LSP1: variants seen among roughly 807,000 people sequenced by gnomAD.
LSP1 encodes lymphocyte specific protein 1, also known as lymphocyte-specific protein 1.
Under a neutral mutation model 49.3 loss-of-function variants are expected in LSP1, and 32 were observed. The ratio of observed to expected loss-of-function variants is 0.65; its 90% CI spans 0.49 to 0.87. The LOEUF (loss-of-function observed/expected upper bound fraction) is 0.87, where lower values mean the gene tolerates loss of function less well. Among genes scored for constraint, LSP1 ranks in the 40% least tolerant of loss-of-function variants. The pLI, the probability that LSP1 is intolerant of heterozygous loss-of-function variation, is 0.00. For missense variants in LSP1, 428 were observed against 442.6 expected (o/e 0.97, Z 0.30); for synonymous variants, 179 against 178.8 (o/e 1.00, Z -0.01).
At chr11:1,873,389 A>G (rs1400201364) in intron 1 of LSP1, among the ~76,000 whole-genome samples, 1 of 152,030 alleles carries the variant, frequency 6.6e-6, no homozygotes, top group Admixed American at 6.6e-5. Flanking sequence ...ATCATGGGTC[A>G]GCGCTGGTTT....
chr11:1,869,548 C>A (rs946857773), intron 1 of LSP1: 2 of 442,892 alleles, frequency 4.5e-6, no homozygotes, highest in African/African-American at 2.0e-5. Flanking sequence ...GGGCACTGCC[C>A]CTTGCCGCCG....
intron 4 of LSP1, 126 bp from the exon 5 acceptor site, chr11:1,883,806 G>T: frequency 1.0e-6 from 1 of 985,504 alleles, no homozygotes; most frequent in South Asian, 1.6e-5. Context: ...TCCAGAACTG[G>T]AGCACGTCAG....
chr11:1,878,732 G>A (rs12360772), intron 1 of LSP1, among the ~76,000 whole-genome samples: 22,252 of 152,120 alleles, frequency 0.15, 2,012 homozygotes, highest in Admixed American at 0.23. Flanking sequence ...CCCCAGTGGG[G>A]AGACCCCAGC....
At chr11:1,882,204 T>A (rs1367715691) in intron 3 of LSP1, among the ~76,000 whole-genome samples, 1 of 152,134 alleles carries the variant, frequency 6.6e-6, no homozygotes, top group Non-Finnish European at 1.5e-5. Flanking sequence ...TCGGGGTCCT[T>A]GCCGCTCTCA....
chr11:1,887,285 G>C lies in LSP1; in HGVS notation c.901G>C (p.Gly301Arg), dbSNP rs1203026216. 1.0e-5 allele frequency: 16 copies of C among 1,600,862 alleles called. No individual in the cohort carries two copies. Among genetic ancestry groups the C allele is most frequent in the Non-Finnish European group, 1.4e-5 (16 of 1,172,798 alleles). The change falls in exon 9 of 11, where the codon GGA becomes CGA. Residue 301 changes from glycine to arginine, a missense_variant. Transcript: ENST00000311604. ...CAAGAAAAGCCTCTGGGAGCAGAAG[G>C]GAGGCTCCAAGACCTCATCAACAAT... Reference protein sequence around the residue: ...MSKKSLWEQKGGSKTSSTIKS... With the variant: ...MSKKSLWEQKRGSKTSSTIKS...
intron 2 of LSP1, chr11:1,881,173 T>G: frequency 2.4e-6 from 1 of 416,272 alleles, no homozygotes. Context: ...GGAGGAGGCA[T>G]AGCCCTGCTG....
intron 1 of LSP1, among the ~76,000 whole-genome samples, chr11:1,861,741 T>TGGATG (rs1847638913): frequency 3.6e-5 from 2 of 55,576 alleles, no homozygotes; most frequent in African/African-American, 1.4e-4. Context: ...ATGGATGGAT[T>TGGATG]GGTGGATGAG....
chr11:1,877,041 C>G (rs1306033349), intron 1 of LSP1, among the ~76,000 whole-genome samples: 1 of 152,208 alleles, frequency 6.6e-6, no homozygotes, highest in South Asian at 2.1e-4. Flanking sequence ...GCAGGAACAC[C>G]AAATCCCTCG....
intron 1 of LSP1, among the ~76,000 whole-genome samples, chr11:1,866,293 G>A (rs1001860524): frequency 3.9e-5 from 6 of 152,206 alleles, no homozygotes; most frequent in African/African-American, 1.4e-4. Flanking sequence ...GGAAGGCAGG[G>A]CTGGCATCGG....
At chr11:1,879,503 C>T (rs1848448371) in intron 1 of LSP1, among the ~76,000 whole-genome samples, 1 of 152,238 alleles carries the variant, frequency 6.6e-6, no homozygotes, top group Non-Finnish European at 1.5e-5. Flanking sequence ...GTGAGCGGGG[C>T]TGGTGGTGGG....
chr11:1,865,836 GAT>G (rs1268195353), intron 1 of LSP1, among the ~76,000 whole-genome samples: 1 of 151,812 alleles, frequency 6.6e-6, no homozygotes, highest in Non-Finnish European at 1.5e-5. Context: ...TCACTTCACA[GAT>G]CATGAAACTG....
In LSP1 at chr11:1,884,156, G is replaced by A. The variant is rs1848660439; in HGVS notation, c.592-124G>A. The A allele has an allele frequency of 1.4e-6, 2 of 1,429,148 alleles. No individual in the cohort carries two copies. The highest frequency in any genetic ancestry group is 1.7e-5 in the Admixed American group (1 of 58,894). 88.5% of individuals were successfully genotyped at this position (1,429,148 alleles called of 1,614,324 possible). On this transcript the variant is annotated intron_variant, in intron 5 of 10. Transcript: ENST00000311604. This position sits in a 1 kb window ranked among gnomAD's most constrained non-coding sequence, Gnocchi z 4.1. Reference sequence around the variant, plus strand: ...TTGTCTGCTATCCCCCCATTGCCCGGTGCTCAGCGAACCCCCATGATATAA... The same window carrying A: ...TTGTCTGCTATCCCCCCATTGCCCGATGCTCAGCGAACCCCCATGATATAA...
At chr11:1,860,277 G>T (rs187513023) in intron 1 of LSP1, among the ~76,000 whole-genome samples, 14 of 151,852 alleles carry the variant, frequency 9.2e-5, no homozygotes, top group African/African-American at 3.4e-4. Flanking sequence ...TTGAATGATG[G>T]ATGGATGGAT....
At chr11:1,873,963 C>CCCGGCAGAGGAGGGAGG (rs1848172984) in intron 1 of LSP1, among the ~76,000 whole-genome samples, 2 of 34,140 alleles carry the variant, frequency 5.9e-5, no homozygotes, top group Non-Finnish European at 1.2e-4. Context: ...GAGCAGGGAG[C>CCCGGCAGAGGAGGGAGG]CCGGCGGAGG....
At chr11:1,890,366 G>C (rs977446098) in intron 10 of LSP1, 2 of 716,452 alleles carry the variant, frequency 2.8e-6, no homozygotes, top group African/African-American at 3.5e-5. Flanking sequence ...CCTGGTCATG[G>C]CTGGCCTCAC....
At chr11:1,872,436 G>GCC (rs1371813563) in intron 1 of LSP1, among the ~76,000 whole-genome samples, 2 of 134,672 alleles carry the variant, frequency 1.5e-5, no homozygotes, top group Admixed American at 7.8e-5. Context: ...AGTCATCCTG[G>GCC]TGCGTGCTGG....
intron 8 of LSP1, 40 bp downstream of exon 8, chr11:1,886,906 A>C: frequency 6.3e-7 from 1 of 1,592,990 alleles, no homozygotes; most frequent in Non-Finnish European, 8.6e-7. Flanking sequence ...CTGCAGAGCC[A>C]GCGCCTGGGA....
chr11:1,889,192 G>A (rs777366992), intron 10 of LSP1: 3 of 674,480 alleles, frequency 4.4e-6, no homozygotes, highest in Non-Finnish European at 8.2e-6. Context: ...TTCTTGGGCT[G>A]GGGGCTCAGC....
At chr11:1,856,398 C>A (rs1161900659) in intron 1 of LSP1, among the ~76,000 whole-genome samples, 1 of 152,212 alleles carries the variant, frequency 6.6e-6, no homozygotes, top group South Asian at 2.1e-4. Context: ...CTGGCACATG[C>A]CCCTCCTAGC....
Sources: gnomAD v4.1 joint callset for allele counts (sites outside exome capture counted in the v4.1 genomes callset) on GRCh38, gnomAD v4.1.1 for gene constraint, Gnocchi (gnomAD v3.1) non-coding constraint, MANE v1.5 for transcripts, NCBI Gene and HGNC (gene_info 2026-07-23, HGNC 2026-07-21) for gene names.